The following ROR1 variants were observed in gnomAD, a reference collection of about 807,000 sequenced individuals.
ROR1 encodes ROR family WNT receptor 1, also known as inactive tyrosine-protein kinase transmembrane receptor ROR1.
In ROR1, 19 loss-of-function variants were observed where a neutral mutation model predicts 78.8. The observed-to-expected ratio is 0.24, with a 90% CI of 0.17 to 0.35. The LOEUF is 0.35. Among genes scored for constraint, ROR1 ranks in the 10% least tolerant of loss-of-function variants. ROR1 has a pLI of 1.00. For synonymous variants in ROR1, 386 were observed against 433.6 expected, an observed-to-expected ratio of 0.89 and a Z score of 1.36; for missense variants, 917 against 1,177.8, an observed-to-expected ratio of 0.78 and a Z score of 3.24.
chr1:63,932,752 T>G (rs1260178636), intron 1 of ROR1, among the ~76,000 whole-genome samples: 1 of 152,180 alleles, frequency 6.6e-6, no homozygotes, highest in East Asian at 1.9e-4. Flanking sequence ...GAGGCAGGAT[T>G]TGAACCTGCA....
chr1:64,014,741 T>C (rs1344894913), intron 2 of ROR1, among the ~76,000 whole-genome samples: 1 of 2,034 alleles, frequency 4.9e-4, no homozygotes, highest in Non-Finnish European at 1.3e-3. Context: ...ATACGCACAC[T>C]ATATATATAT....
Position 64,178,860 on chromosome 1 carries a change from C to T in ROR1, c.*5C>T. ...ATGATTTCTGCAGAACTGTAAAATGCACAACTTTTGTAAATGTGGTATACA... is the reference window on the plus strand; with the variant it reads ...ATGATTTCTGCAGAACTGTAAAATGTACAACTTTTGTAAATGTGGTATACA... On this transcript the variant is annotated 3_prime_UTR_variant, in exon 9 of 9. Coordinates refer to ENST00000371079, the MANE Select transcript of ROR1 (RefSeq NM_005012.4). This position sits in a 1 kb window ranked among gnomAD's most constrained non-coding sequence, Gnocchi z 4.3. 6.2e-7 allele frequency: 1 copy of T among 1,602,850 alleles called. No individual in the cohort carries two copies.
At chr1:63,986,988 A>G (rs972475317) in intron 1 of ROR1, among the ~76,000 whole-genome samples, 2 of 152,136 alleles carry the variant, frequency 1.3e-5, no homozygotes. Flanking sequence ...CAAACCCACA[A>G]CATCTAATAA....
chr1:64,085,253 C>T (rs555980922), intron 4 of ROR1, among the ~76,000 whole-genome samples: 1 of 152,298 alleles, frequency 6.6e-6, no homozygotes, highest in Admixed American at 6.5e-5. Context: ...ACCTTCCAGA[C>T]TTTCCAGAGT....
chr1:63,904,108 G>C (rs1645509944), intron 1 of ROR1, among the ~76,000 whole-genome samples: 1 of 152,172 alleles, frequency 6.6e-6, no homozygotes. Context: ...ATCAGTTCAG[G>C]GGAGCCCCAT....
chr1:63,774,606 G>T lies in ROR1; in HGVS notation c.91+98G>T, dbSNP rs1333911925. On this transcript the variant is annotated intron_variant, in intron 1 of 8. Transcript: ENST00000371079. This position sits in a 1 kb window ranked among gnomAD's most constrained non-coding sequence, Gnocchi z 5.7. ...GCGCGGGACACGCAGGAAGCGCCGC[G>T]CTGGCTCCGGGGCGCGTCCGGCCAC... The T allele has an allele frequency of 3.1e-4, 194 of 625,316 alleles. No homozygotes were observed. Among genetic ancestry groups the T allele is most frequent in the Non-Finnish European group, 3.8e-4 (189 of 499,214 alleles). The allele number at this position is 625,316 out of a possible 1,614,324, so 38.7% of individuals were successfully genotyped here.
Position 64,159,071 on chromosome 1 carries a change from T to G in ROR1, c.1265T>G (p.Phe422Cys). Residue 422 changes from phenylalanine to cysteine, a missense_variant, in exon 8 of 9, where the codon TTC becomes TGC. Around this residue, in one of 3 missense-constraint regions of ROR1, gnomAD observed 835 missense variants for 1,069.8 expected, o/e 0.78. Transcript: ENST00000371079. Reference sequence around the variant, plus strand: ...ATTCCCCTGGCCATTGCTTTACTCTTCTTCTTCATTTGCGTCTGTCGGAAT... The same window carrying G: ...ATTCCCCTGGCCATTGCTTTACTCTGCTTCTTCATTTGCGTCTGTCGGAAT... Reference protein sequence around the residue: ...VAIPLAIALLFFFICVCRNNQ... With the variant: ...VAIPLAIALLCFFICVCRNNQ... 1.9e-6 allele frequency: 3 copies of G among 1,614,188 alleles called. No homozygotes were observed. The highest frequency in any genetic ancestry group is 2.5e-6 in the Non-Finnish European group (3 of 1,180,006).
At chr1:63,877,800 A>G (rs1427927003) in intron 1 of ROR1, among the ~76,000 whole-genome samples, 1 of 152,198 alleles carries the variant, frequency 6.6e-6, no homozygotes, top group East Asian at 1.9e-4. Flanking sequence ...TGGGGGGGAA[A>G]CAGTGAATGA....
chr1:64,012,764 A>G (rs542807831), intron 2 of ROR1, among the ~76,000 whole-genome samples: 1 of 152,326 alleles, frequency 6.6e-6, no homozygotes, highest in South Asian at 2.1e-4. Flanking sequence ...TTTCATGGTG[A>G]AAAAGTAGAA....
chr1:63,850,720 T>C (rs1375442691), intron 1 of ROR1, among the ~76,000 whole-genome samples: 1 of 152,180 alleles, frequency 6.6e-6, no homozygotes, highest in Non-Finnish European at 1.5e-5. Context: ...TGGGTAGAAT[T>C]ATCCTCATCA....
chr1:64,085,296 A>G (rs1258675840), intron 4 of ROR1, among the ~76,000 whole-genome samples: 9 of 152,182 alleles, frequency 5.9e-5, no homozygotes, highest in South Asian at 4.1e-4. Flanking sequence ...ACAGGTGTTA[A>G]TGGGATCCTG....
intron 1 of ROR1, among the ~76,000 whole-genome samples, chr1:63,965,550 C>T (rs1338182944): frequency 1.3e-5 from 2 of 152,096 alleles, no homozygotes; most frequent in Non-Finnish European, 2.9e-5. Flanking sequence ...AAAAATTAAA[C>T]CCTGAGTTTC....
rs1363785463 is a variant in ROR1 at position 63,829,582 on chromosome 1, A to G, written c.91+55074A>G. On this transcript the variant is annotated intron_variant, in intron 1 of 8. Transcript: ENST00000371079. ...TGATGGCATGGAGAGTATTGCAGGT[A>G]GGAGGAATAATGTACAGAGTCTGGA... 2.6e-5 allele frequency among the ~76,000 whole-genome samples: 4 copies of G among 152,198 alleles called. No individual in the cohort carries two copies. The South Asian group carries it at 8.3e-4, about 32-fold the overall frequency.
At chr1:64,067,754 C>T (rs1320711654) in intron 4 of ROR1, among the ~76,000 whole-genome samples, 3 of 142,726 alleles carry the variant, frequency 2.1e-5, no homozygotes, top group Non-Finnish European at 4.5e-5. Flanking sequence ...GCTCTGTCAC[C>T]GAGGCTAGAG....
chr1:63,985,362 A>G (rs982784781), intron 1 of ROR1, among the ~76,000 whole-genome samples: 3 of 152,150 alleles, frequency 2.0e-5, no homozygotes, highest in Non-Finnish European at 4.4e-5. Context: ...TTTGTCAGAT[A>G]TTTGTTTACC....
intron 4 of ROR1, among the ~76,000 whole-genome samples, chr1:64,053,725 T>C (rs1646851699): frequency 6.6e-6 from 1 of 152,216 alleles, no homozygotes; most frequent in South Asian, 2.1e-4. Flanking sequence ...CCAGGAACTA[T>C]GAAAAATGGC....
intron 1 of ROR1, among the ~76,000 whole-genome samples, chr1:63,972,385 T>C (rs1436255284): frequency 6.6e-6 from 1 of 152,212 alleles, no homozygotes; most frequent in Non-Finnish European, 1.5e-5. Context: ...GCATTTTTTC[T>C]CTGCCCCAGG....
chr1:64,172,139 G>T (rs946650034), intron 8 of ROR1, among the ~76,000 whole-genome samples: 5 of 152,064 alleles, frequency 3.3e-5, no homozygotes, highest in South Asian at 2.1e-4. Context: ...AGATCTAAAA[G>T]TTCCCCCACA....
At chr1:63,982,649 T>G (rs533846020) in intron 1 of ROR1, among the ~76,000 whole-genome samples, 2 of 152,278 alleles carry the variant, frequency 1.3e-5, no homozygotes, top group South Asian at 4.1e-4. Context: ...GTCAAATAAT[T>G]AAATGCCCTT....
Sources: allele counts gnomAD v4.1 joint callset (sites outside exome capture counted in the v4.1 genomes callset), GRCh38; gene constraint gnomAD v4.1.1; regional missense constraint gnomAD v4.1.1; non-coding constraint Gnocchi (gnomAD v3.1); transcripts MANE v1.5; gene names NCBI Gene and HGNC (gene_info 2026-07-23, HGNC 2026-07-21).